Variants in MEI1 observed in about 807,000 individuals in gnomAD.
The protein encoded by MEI1 is meiotic double-stranded break formation protein 1.
A neutral mutation model predicts 146.2 loss-of-function variants in MEI1; 103 were observed. The observed-to-expected ratio is 0.70, with a 90% confidence interval of 0.60 to 0.83. The LOEUF is 0.83. Among genes scored for constraint, MEI1 ranks in the 40% least tolerant of loss-of-function variants. The pLI is 0.00. For missense variants in MEI1, 1,529 were observed against 1,533.0 expected (o/e 1.00, Z 0.04); for synonymous variants, 652 against 628.2 (o/e 1.04, Z -0.57).
intron 7 of MEI1, among the ~76,000 whole-genome samples, chr22:41,725,973 A>T (rs1247912079): frequency 6.6e-6 from 1 of 152,104 alleles, no homozygotes; most frequent in Non-Finnish European, 1.5e-5. Context: ...GAGGAGGAGG[A>T]GCTCTGGTTA....
At chr22:41,749,352 C>T (rs1051173464) in intron 15 of MEI1, among the ~76,000 whole-genome samples, 1 of 152,018 alleles carries the variant, frequency 6.6e-6, no homozygotes, top group East Asian at 1.9e-4. Flanking sequence ...CTCGGCTCAC[C>T]GCAACCTCCG....
At chr22:41,794,000 C>A in intron 27 of MEI1, 90 bp downstream of exon 27, 1 of 1,179,984 alleles carries the variant, frequency 8.5e-7, no homozygotes, top group Non-Finnish European at 1.2e-6. Flanking sequence ...CTTCCATTCC[C>A]TTGTGTGACT....
chr22:41,769,618 A>C (rs2075054528), intron 19 of MEI1, among the ~76,000 whole-genome samples: 1 of 151,778 alleles, frequency 6.6e-6, no homozygotes, highest in South Asian at 2.1e-4. Flanking sequence ...GATTACAGGC[A>C]TGTGCCATTA....
At position 41,776,249 on chromosome 22, in the gene MEI1, G is replaced by A. The variant is rs1569304967; in HGVS notation, c.2692G>A (p.Gly898Arg). The change falls in exon 21 of 31, where the codon GGG (glycine) becomes AGG (arginine). Residue 898 changes from glycine (G) to arginine (R), a missense_variant. Around this residue, in one of 3 missense-constraint regions of MEI1, gnomAD observed 1,212 missense variants for 1,178.9 expected, o/e 1.03. Coordinates refer to ENST00000401548, the MANE Select transcript of MEI1 (RefSeq NM_152513.4). ...LILQRLLVEH[G>R]ASPSGASGNL... ...CCTGCAGCGTCTGCTAGTGGAGCATGGGGCATCCCCATCAGGAGGTCAGTC... is the reference window on the plus strand; with the variant it reads ...CCTGCAGCGTCTGCTAGTGGAGCATAGGGCATCCCCATCAGGAGGTCAGTC... The A allele has an allele frequency of 6.2e-7, 1 of 1,613,670 alleles. No individual in the cohort carries two copies.
chr22:41,772,543 A>C (rs2075238813), intron 20 of MEI1, among the ~76,000 whole-genome samples: 1 of 152,162 alleles, frequency 6.6e-6, no homozygotes, highest in Admixed American at 6.5e-5. Context: ...GCTGGTCTCA[A>C]ATTCCTGGGC....
rs1206012106 is a variant in MEI1 at position 41,784,667 on chromosome 22, G to T, written c.3229G>T (p.Ala1077Ser). ...ACAAAGCTTTTCCTCTGCCCTGGTA[G>T]CCCTGGTGCCCTCAGGGGCCCAGCC... The part of the protein sequence containing the change: ...LRQSFSSALV[A>S]LVPSGAQPLP... The change falls in exon 26 of 31, where the codon GCC becomes TCC. Residue 1077 changes from alanine to serine, a missense_variant. Physicochemically the swap from Ala to Ser is moderately conservative, Grantham distance 99. This residue lies in a region of MEI1 where 313 missense variants were observed against 337.3 expected (regional missense o/e 0.93). Coordinates refer to ENST00000401548, the MANE Select transcript of MEI1 (RefSeq NM_152513.4). 8.1e-6 allele frequency: 13 copies of T among 1,613,690 alleles called. No homozygotes were observed. Among genetic ancestry groups the T allele is most frequent in the Non-Finnish European group, 1.1e-5 (13 of 1,179,856 alleles).
At chr22:41,714,942 T>C (rs2069955061) in intron 4 of MEI1, among the ~76,000 whole-genome samples, 1 of 152,016 alleles carries the variant, frequency 6.6e-6, no homozygotes, top group Non-Finnish European at 1.5e-5. Flanking sequence ...AGGAATAATA[T>C]CAGAATAACT....
At chr22:41,720,108 A>G (rs1483775561) in intron 6 of MEI1, among the ~76,000 whole-genome samples, 1 of 152,162 alleles carries the variant, frequency 6.6e-6, no homozygotes, top group Non-Finnish European at 1.5e-5. Flanking sequence ...TAGTGTGATG[A>G]GTGCCATCTT....
intron 9 of MEI1, among the ~76,000 whole-genome samples, chr22:41,731,397 G>T (rs578156575): frequency 5.9e-5 from 9 of 151,362 alleles, no homozygotes; most frequent in Admixed American, 4.0e-4. Flanking sequence ...CACCCAGGCT[G>T]GAGTGCAATG....
chr22:41,714,539 G>T (rs1417121906), intron 4 of MEI1, among the ~76,000 whole-genome samples: 1 of 152,020 alleles, frequency 6.6e-6, no homozygotes, highest in African/African-American at 2.4e-5. Context: ...GCATTGAGTG[G>T]ATATGGTATG....
chr22:41,731,814 A>G (rs2071892036), intron 9 of MEI1, among the ~76,000 whole-genome samples: 1 of 152,156 alleles, frequency 6.6e-6, no homozygotes, highest in African/African-American at 2.4e-5. Context: ...GCAAAGGGAA[A>G]TTTCATTATG....
At chr22:41,739,033 G>A (rs572928315) in intron 11 of MEI1, among the ~76,000 whole-genome samples, 2 of 151,868 alleles carry the variant, frequency 1.3e-5, no homozygotes, top group East Asian at 1.9e-4. Flanking sequence ...GGTGGCTCAC[G>A]CCTGTAATTC....
At chr22:41,777,979 C>T (rs1362796517) in intron 21 of MEI1, among the ~76,000 whole-genome samples, 1 of 151,084 alleles carries the variant, frequency 6.6e-6, no homozygotes, top group East Asian at 1.9e-4. Flanking sequence ...TCTTTCCCCT[C>T]CTTCTCCCCT....
At chr22:41,709,010 A>G (rs558913412) in intron 3 of MEI1, among the ~76,000 whole-genome samples, 1 of 152,222 alleles carries the variant, frequency 6.6e-6, no homozygotes, top group Non-Finnish European at 1.5e-5. Context: ...TCTCACAACT[A>G]GAAGGGAAAG....
rs202160118 is a variant in MEI1 at position 41,716,037 on chromosome 22, G to A, written c.424-4G>A. 20 of 1,601,324 alleles carry A rather than the reference G, an allele frequency of 1.2e-5. No homozygotes were observed. The East Asian group carries it at 3.4e-4, about 27-fold the overall frequency. ...ACAGAATGGAGCATATTCACTTTCTGTAGCTGTGTAACATGCCCTCCATGC... is the reference window on the plus strand; with the variant it reads ...ACAGAATGGAGCATATTCACTTTCTATAGCTGTGTAACATGCCCTCCATGC... On this transcript the variant is annotated splice_region_variant and splice_polypyrimidine_tract_variant and intron_variant, in intron 4 of 30. Coordinates refer to ENST00000401548, the MANE Select transcript of MEI1 (RefSeq NM_152513.4).
intron 28 of MEI1, 39 bp downstream of exon 28, chr22:41,794,516 C>T (rs749405767): frequency 6.4e-7 from 1 of 1,556,380 alleles, no homozygotes; most frequent in Non-Finnish European, 8.9e-7. Context: ...TGAGGAGTGT[C>T]ATGAGCTGGG....
At chr22:41,763,810 G>A (rs960836706) in intron 19 of MEI1, among the ~76,000 whole-genome samples, 2 of 151,984 alleles carry the variant, frequency 1.3e-5, no homozygotes, top group Non-Finnish European at 2.9e-5. Flanking sequence ...CACCTTTGGA[G>A]GATGCTATGC....
At chr22:41,765,777 G>C (rs2074805307) in intron 19 of MEI1, among the ~76,000 whole-genome samples, 1 of 148,650 alleles carries the variant, frequency 6.7e-6, no homozygotes, top group Non-Finnish European at 1.5e-5. Context: ...GACTTTCTCT[G>C]TTACATAATC....
intron 21 of MEI1, among the ~76,000 whole-genome samples, chr22:41,777,493 T>C (rs1397013077): frequency 6.6e-6 from 1 of 152,160 alleles, no homozygotes; most frequent in Non-Finnish European, 1.5e-5. Context: ...AGGCAATCTG[T>C]GGCTACCTGA....
Sources: allele counts gnomAD v4.1 joint callset (sites outside exome capture counted in the v4.1 genomes callset), GRCh38; gene constraint gnomAD v4.1.1; regional missense constraint gnomAD v4.1.1; transcripts MANE v1.5; gene names NCBI Gene and HGNC (gene_info 2026-07-23, HGNC 2026-07-21).